Variants in LAMP1 observed in about 807,000 individuals in gnomAD.
LAMP1 encodes the protein lysosome associated membrane protein 1, also known as lysosome-associated membrane glycoprotein 1.
In LAMP1, 7 loss-of-function variants were observed where a neutral mutation model predicts 37.5. The ratio of observed to expected loss-of-function variants is 0.19; its 90% CI spans 0.11 to 0.35. The LOEUF is 0.35. LAMP1 is among the 10% of genes least tolerant of loss of function. The probability of loss-of-function intolerance (pLI) is 1.00; values close to 1 mark genes in which losing one functional copy is unlikely to be tolerated. For missense variants in LAMP1, 537 were observed against 552.8 expected, an observed-to-expected ratio of 0.97 and a Z score of 0.29; for synonymous variants, 236 against 229.1, an observed-to-expected ratio of 1.03 and a Z score of -0.27.
In LAMP1 at chr13:113,319,336, G is replaced by GGT. The variant is rs2042684200; in HGVS notation, c.563-132_563-131insTG. Reference sequence around the variant, plus strand: ...GAAAGGCATTAGCGAGAGCCACCTTGGGAGACTGAGAAAATAGTCACCAAG... The same window carrying GGT: ...GAAAGGCATTAGCGAGAGCCACCTTGGTGGAGACTGAGAAAATAGTCACCAAG... On this transcript the variant is annotated intron_variant, in intron 4 of 8. Coordinates refer to ENST00000332556, the MANE Select transcript of LAMP1 (RefSeq NM_005561.4). 22 of 793,612 alleles carry GGT rather than the reference G, an allele frequency of 2.8e-5. No individual in the cohort carries two copies. The East Asian group carries it at 5.9e-4, about 21-fold the overall frequency. The allele number at this position is 793,612 out of a possible 1,614,324, so 49.2% of individuals were successfully genotyped here. A position where few individuals can be genotyped will look rare whatever the true frequency, so the allele number is the denominator to read the frequency against.
At position 113,321,217 on chromosome 13, in the gene LAMP1, C is replaced by A; in HGVS notation, c.877-187C>A. The A allele has an allele frequency of 1.6e-6, 1 of 609,978 alleles. No individual in the cohort carries two copies. 37.8% of individuals were successfully genotyped at this position (609,978 alleles called of 1,614,324 possible). On this transcript the variant is annotated intron_variant, in intron 6 of 8. Coordinates refer to ENST00000332556, the MANE Select transcript of LAMP1 (RefSeq NM_005561.4). This position sits in a 1 kb window ranked among gnomAD's most constrained non-coding sequence, Gnocchi z 5.6. ...GGAACTAACCAAAATTTTCATTCCC[C>A]AGAGATACACAACGCCTTTTATAGA...
Position 113,320,637 on chromosome 13 carries a change from T to A in LAMP1, c.876+167T>A, listed in dbSNP as rs2042693089. The A allele has an allele frequency of 4.6e-6, 3 of 658,818 alleles. No individual in the cohort carries two copies. In the South Asian group the frequency reaches 5.9e-5, roughly 13 times the overall value. The allele number at this position is 658,818 out of a possible 1,614,324, so 40.8% of individuals were successfully genotyped here. A position where few individuals can be genotyped will look rare whatever the true frequency, so the allele number is the denominator to read the frequency against. On this transcript the variant is annotated intron_variant, in intron 6 of 8. Transcript: ENST00000332556. The surrounding 1 kb of genome is among the most constrained non-coding windows in gnomAD (Gnocchi z 4.4). ...TAGTTCCTTGGTTCCCCTCCCCCCT[T>A]TCCATTCCATTCATAGATGCAGCAG...
chr13:113,318,173 T>C (rs1006173716), intron 4 of LAMP1, among the ~76,000 whole-genome samples: 1 of 152,252 alleles, frequency 6.6e-6, no homozygotes, highest in African/African-American at 2.4e-5. Flanking sequence ...AAGGGGCTTT[T>C]ACACCGGGGT....
At chr13:113,305,640 G>C (rs1595458014) in intron 1 of LAMP1, 1 of 152,186 alleles carries the variant, frequency 6.6e-6, no homozygotes, top group African/African-American at 2.4e-5. Context: ...ATGGGGAAGG[G>C]AAGCCACTCC....
intron 1 of LAMP1, among the ~76,000 whole-genome samples, chr13:113,301,067 T>C (rs748591230): frequency 3.3e-5 from 5 of 152,218 alleles, no homozygotes; most frequent in Non-Finnish European, 7.3e-5. Context: ...GGGATTATTT[T>C]TGCCTGTGTA....
Position 113,297,629 on chromosome 13 carries a change from C to G in LAMP1, c.61+134C>G. On this transcript the variant is annotated intron_variant, in intron 1 of 8. Transcript: ENST00000332556. The surrounding 1 kb of genome is among the most constrained non-coding windows in gnomAD (Gnocchi z 4.4). ...ACCCACTGCTCCTGGTCCCGGCCGGCTCTGCCCGCGGGCGGGTGTTTCTCT... is the reference window on the plus strand; with the variant it reads ...ACCCACTGCTCCTGGTCCCGGCCGGGTCTGCCCGCGGGCGGGTGTTTCTCT... 1.2e-6 allele frequency: 1 copy of G among 844,390 alleles called. No individual in the cohort carries two copies. Among genetic ancestry groups the G allele is most frequent in the Non-Finnish European group, 1.5e-6 (1 of 655,346 alleles). 52.3% of individuals were successfully genotyped at this position (844,390 alleles called of 1,614,324 possible).
intron 1 of LAMP1, among the ~76,000 whole-genome samples, chr13:113,301,644 AATATATATATATATAT>A (rs1178393830): frequency 5.2e-4 from 2 of 3,868 alleles, no homozygotes; most frequent in African/African-American, 1.4e-3. Context: ...AAAAAAAAAA[AATATATATATATATAT>A]ATATATATAT....
At chr13:113,302,157 C>T (rs986888869) in intron 1 of LAMP1, among the ~76,000 whole-genome samples, 1 of 151,068 alleles carries the variant, frequency 6.6e-6, no homozygotes, top group Non-Finnish European at 1.5e-5. Context: ...GCCACCACAC[C>T]CAGCCTAAGA....
intron 2 of LAMP1, 65 bp from the exon 3 acceptor site, chr13:113,309,578 C>G (rs1173745237): frequency 3.2e-6 from 4 of 1,239,270 alleles, no homozygotes; most frequent in Admixed American, 2.0e-5. Flanking sequence ...TACAGAAAAT[C>G]TCTTTCTTTG....
rs2042709964 is a variant in LAMP1, at chr13:113,322,712, C to T, written c.*291C>T. 1 of 91,138 alleles carries T rather than the reference C, an allele frequency of 1.1e-5. No homozygotes were observed. The highest frequency in any genetic ancestry group is 4.6e-5 in the African/African-American group (1 of 21,610). 5.6% of individuals were successfully genotyped at this position (91,138 alleles called of 1,614,324 possible). A position where few individuals can be genotyped will look rare whatever the true frequency, so the allele number is the denominator to read the frequency against. ...TCTGAGGGGGTGGGGGTGCCGCTGTCTCTGAGGGGTGGGGGTGCCGCTGTC... is the reference window on the plus strand; with the variant it reads ...TCTGAGGGGGTGGGGGTGCCGCTGTTTCTGAGGGGTGGGGGTGCCGCTGTC... On this transcript the variant is annotated 3_prime_UTR_variant, in exon 9 of 9. Coordinates refer to ENST00000332556, the MANE Select transcript of LAMP1 (RefSeq NM_005561.4).
chr13:113,316,347 A>C (rs12871648), intron 4 of LAMP1, among the ~76,000 whole-genome samples: 43,637 of 151,556 alleles, frequency 0.29, 6,503 homozygotes, highest in Non-Finnish European at 0.35. Context: ...TGAATGAATC[A>C]GAGGACTGCC....
intron 1 of LAMP1, chr13:113,306,134 G>A (rs2042597026): frequency 5.6e-6 from 1 of 177,580 alleles, no homozygotes; most frequent in Non-Finnish European, 1.2e-5. Context: ...CAAGGTGGGT[G>A]GATCACCTGA....
intron 1 of LAMP1, among the ~76,000 whole-genome samples, chr13:113,301,647 ATATATATATATATATATATATATAT>A (rs1566396925): frequency 0.013 from 5 of 394 alleles, no homozygotes; most frequent in African/African-American, 0.023. Context: ...AAAAAAAAAT[ATATATATATATATATATATATATAT>A]ATATATATAT....
intron 1 of LAMP1, among the ~76,000 whole-genome samples, chr13:113,301,644 A>AATATATATAT (rs1178393830): frequency 2.6e-4 from 1 of 3,874 alleles, no homozygotes; most frequent in African/African-American, 7.1e-4. Flanking sequence ...AAAAAAAAAA[A>AATATATATAT]ATATATATAT....
rs1415924898 is a variant in LAMP1, at chr13:113,310,867, GGTAGGACGC to G, written c.562+1_562+9del. The G allele has an allele frequency of 6.2e-7, 1 of 1,612,474 alleles. No individual in the cohort carries two copies. The highest frequency in any genetic ancestry group is 8.5e-7 in the Non-Finnish European group (1 of 1,179,472). ...TTCCAACAGCAGCTTCAGCCGGGGA[GGTAGGACGC>G]TGACCCTTGGCCCTCTGGTGCTAGT... On this transcript the variant is annotated splice_donor_variant and splice_donor_5th_base_variant and intron_variant, in intron 4 of 8. Coordinates refer to ENST00000332556, the MANE Select transcript of LAMP1 (RefSeq NM_005561.4). LOFTEE classifies it high-confidence loss of function.
chr13:113,316,835 A>T (rs930603400), intron 4 of LAMP1, among the ~76,000 whole-genome samples: 1 of 149,130 alleles, frequency 6.7e-6, no homozygotes, highest in African/African-American at 2.5e-5. Context: ...GCGCCGCTGC[A>T]CTCTAGCCTG....
At chr13:113,313,774 C>G (rs557985949) in intron 4 of LAMP1, among the ~76,000 whole-genome samples, 3 of 112,962 alleles carry the variant, frequency 2.7e-5, no homozygotes, top group African/African-American at 1.2e-4. Context: ...GCCCGTGTGC[C>G]TGGGGCATGG....
chr13:113,297,439 C>A lies in LAMP1; in HGVS notation c.5C>A (p.Ala2Glu). The A allele has an allele frequency of 1.9e-6, 2 of 1,044,844 alleles. No homozygotes were observed. The highest frequency in any genetic ancestry group is 2.5e-6 in the Non-Finnish European group (2 of 811,426). The allele number at this position is 1,044,844 out of a possible 1,614,324, so 64.7% of individuals were successfully genotyped here. A position where few individuals can be genotyped will look rare whatever the true frequency, so the allele number is the denominator to read the frequency against. M[A>E]APGSARRPLL... ...CGTACCCGGCCGCCTCGCGCCATGG[C>A]GGCCCCCGGCAGCGCCCGGCGACCC... The change falls in exon 1 of 9, where the codon GCG becomes GAG. Residue 2 changes from alanine (A) to glutamate (E), a missense_variant. Coordinates refer to ENST00000332556, the MANE Select transcript of LAMP1 (RefSeq NM_005561.4). This position sits in a 1 kb window ranked among gnomAD's most constrained non-coding sequence, Gnocchi z 4.4.
chr13:113,313,574 C>T (rs549326726), intron 4 of LAMP1, among the ~76,000 whole-genome samples: 6 of 150,132 alleles, frequency 4.0e-5, no homozygotes, highest in East Asian at 3.9e-4. Context: ...GTGGAGATGC[C>T]GGTGTGCCTG....
Sources: gnomAD v4.1 joint callset for allele counts (sites outside exome capture counted in the v4.1 genomes callset) on GRCh38, gnomAD v4.1.1 for gene constraint, Gnocchi (gnomAD v3.1) non-coding constraint, MANE v1.5 for transcripts, NCBI Gene and HGNC (gene_info 2026-07-23, HGNC 2026-07-21) for gene names.